The following SYT1 variants were observed in gnomAD, a reference collection of about 807,000 sequenced individuals.
SYT1 encodes synaptotagmin-1.
SYT1 carries 8 observed loss-of-function variants against 44.8 expected under a neutral mutation model. The observed-to-expected ratio is 0.18, with a 90% confidence interval of 0.10 to 0.32. SYT1 has a LOEUF of 0.32. Among genes scored for constraint, SYT1 ranks in the 10% least tolerant of loss-of-function variants. The probability of loss-of-function intolerance (pLI) is 1.00; values close to 1 mark genes in which losing one functional copy is unlikely to be tolerated. For missense variants in SYT1, 286 were observed against 509.3 expected (o/e 0.56, Z 4.22); for synonymous variants, 154 against 188.8 (o/e 0.82, Z 1.51).
intron 2 of SYT1, among the ~76,000 whole-genome samples, chr12:79,041,349 A>G (rs1025570496): frequency 2.0e-5 from 3 of 152,120 alleles, no homozygotes; most frequent in Non-Finnish European, 4.4e-5. Flanking sequence ...CATCCCCTGT[A>G]AGTTGGATTC....
intron 8 of SYT1, among the ~76,000 whole-genome samples, chr12:79,307,727 T>C (rs964148270): frequency 1.3e-5 from 2 of 152,156 alleles, no homozygotes; most frequent in Non-Finnish European, 2.9e-5. Context: ...GGAGAAGGGC[T>C]GTTTACCGGC....
At chr12:79,024,450 T>C (rs1426540571) in intron 2 of SYT1, among the ~76,000 whole-genome samples, 2 of 151,848 alleles carry the variant, frequency 1.3e-5, no homozygotes. Flanking sequence ...TATGTTAATA[T>C]AATGTGTAAT....
chr12:79,010,521 A>G (rs1263207547), intron 2 of SYT1, among the ~76,000 whole-genome samples: 3 of 152,272 alleles, frequency 2.0e-5, no homozygotes, highest in African/African-American at 4.8e-5. Context: ...GGAGGTATCT[A>G]TATTTTATCC....
chr12:78,966,005 C>T (rs761355674), intron 1 of SYT1, among the ~76,000 whole-genome samples: 1 of 148,210 alleles, frequency 6.7e-6, no homozygotes, highest in East Asian at 2.0e-4. Context: ...TGAACCCGGG[C>T]GGCAAAGATT....
intron 4 of SYT1, among the ~76,000 whole-genome samples, chr12:79,262,928 A>T (rs1437584962): frequency 6.6e-6 from 1 of 152,224 alleles, no homozygotes; most frequent in Non-Finnish European, 1.5e-5. Context: ...TAGAAAAGAG[A>T]AAACCGAGGC....
intron 9 of SYT1, among the ~76,000 whole-genome samples, chr12:79,396,471 A>T (rs1469556638): frequency 6.6e-6 from 1 of 152,204 alleles, no homozygotes; most frequent in African/African-American, 2.4e-5. Flanking sequence ...CAAGAGAAGC[A>T]GTTAGTTGAA....
intron 2 of SYT1, among the ~76,000 whole-genome samples, chr12:79,010,682 G>A (rs1277224121): frequency 6.6e-6 from 1 of 152,050 alleles, no homozygotes; most frequent in Non-Finnish European, 1.5e-5. Flanking sequence ...TTATGCCTTT[G>A]TTCCTTCACT....
chr12:79,139,954 A>T (rs1869452845), intron 3 of SYT1, among the ~76,000 whole-genome samples: 1 of 152,198 alleles, frequency 6.6e-6, no homozygotes, highest in South Asian at 2.1e-4. Context: ...GGAAAAGACC[A>T]TACAAACCTA....
chr12:79,015,739 C>A (rs980327716), intron 2 of SYT1, among the ~76,000 whole-genome samples: 1 of 152,106 alleles, frequency 6.6e-6, no homozygotes, highest in African/African-American at 2.4e-5. Flanking sequence ...ATGTGAAAGA[C>A]ACAGTAATAC....
At chr12:79,381,802 C>T (rs567061448) in intron 9 of SYT1, among the ~76,000 whole-genome samples, 113 of 152,290 alleles carry the variant, frequency 7.4e-4, no homozygotes, top group African/African-American at 2.6e-3. Context: ...ATGTTTTCTA[C>T]ATCTTGTTAG....
chr12:79,217,810 G>A, intron 4 of SYT1, 125 bp downstream of exon 4: 2 of 647,276 alleles, frequency 3.1e-6, no homozygotes, highest in Non-Finnish European at 4.6e-6. Context: ...CTATGGGAAT[G>A]ATAGTATCCC....
At chr12:78,888,991 G>C (rs1311695489) in intron 1 of SYT1, among the ~76,000 whole-genome samples, 1 of 151,770 alleles carries the variant, frequency 6.6e-6, no homozygotes, top group Non-Finnish European at 1.5e-5. Context: ...GCTTTTCTTT[G>C]CTCCGAAACC....
chr12:79,385,726 ATTG>A (rs10632647), intron 9 of SYT1, among the ~76,000 whole-genome samples: 22 of 151,080 alleles, frequency 1.5e-4, no homozygotes, highest in African/African-American at 5.1e-4. Flanking sequence ...ACAATTACCC[ATTG>A]TTGTTGTTGT....
At chr12:79,180,732 A>T (rs946228831) in intron 3 of SYT1, among the ~76,000 whole-genome samples, 1 of 152,076 alleles carries the variant, frequency 6.6e-6, no homozygotes, top group African/African-American at 2.4e-5. Context: ...TATCAAGAGA[A>T]TGGTGCTAAA....
intron 9 of SYT1, among the ~76,000 whole-genome samples, chr12:79,355,233 A>G (rs1449840335): frequency 6.6e-6 from 1 of 152,144 alleles, no homozygotes; most frequent in African/African-American, 2.4e-5. Flanking sequence ...GGTTATTTTT[A>G]TGGGGCTTAC....
At chr12:79,338,299 C>A in intron 8 of SYT1, among the ~76,000 whole-genome samples, 1 of 147,156 alleles carries the variant, frequency 6.8e-6, no homozygotes, top group Non-Finnish European at 1.5e-5. Context: ...TTTTTTGAGA[C>A]AGGATCTCAC....
chr12:78,961,145 T>C (rs1023185224), intron 1 of SYT1, among the ~76,000 whole-genome samples: 1 of 152,124 alleles, frequency 6.6e-6, no homozygotes, highest in African/African-American at 2.4e-5. Context: ...TCTCACTTTG[T>C]CATGCAGCCT....
intron 3 of SYT1, among the ~76,000 whole-genome samples, chr12:79,155,700 A>G (rs1408974610): frequency 6.6e-6 from 1 of 152,216 alleles, no homozygotes; most frequent in Admixed American, 6.5e-5. Context: ...TCACAATTAC[A>G]AATATCTAGT....
At chr12:79,441,742 G>A (rs568521638) in intron 9 of SYT1, among the ~76,000 whole-genome samples, 15 of 152,260 alleles carry the variant, frequency 9.9e-5, no homozygotes, top group South Asian at 4.1e-4. Context: ...TGACCTCACC[G>A]TCTACCTCTC....
Sources: gnomAD v4.1 joint callset for allele counts (sites outside exome capture counted in the v4.1 genomes callset) on GRCh38, gnomAD v4.1.1 for gene constraint, MANE v1.5 for transcripts, NCBI Gene and HGNC (gene_info 2026-07-23, HGNC 2026-07-21) for gene names.